Variants in ARID1B observed in about 807,000 individuals in gnomAD.
ARID1B encodes AT-rich interactive domain-containing protein 1B.
Under a neutral mutation model 212.3 loss-of-function variants are expected in ARID1B, and 30 were observed. That is an observed-to-expected ratio of 0.14 (90% CI 0.11 to 0.19). ARID1B has a LOEUF of 0.19. Ranked by LOEUF, ARID1B falls within the 10% of genes least tolerant of loss-of-function variation. ARID1B has a pLI of 1.00. For missense variants in ARID1B, 2,891 were observed against 3,204.0 expected (o/e 0.90, Z 2.36); for synonymous variants, 1,402 against 1,301.7 (o/e 1.08, Z -1.66).
At position 157,203,617 on chromosome 6, in the gene ARID1B, A is replaced by T. The variant is rs1266256744; in HGVS notation, c.5264-249A>T. On this transcript the variant is annotated intron_variant, in intron 18 of 19. Coordinates refer to ENST00000636930, the MANE Select transcript of ARID1B (RefSeq NM_001374828.1). This position sits in a 1 kb window ranked among gnomAD's most constrained non-coding sequence, Gnocchi z 4.4. ...AGGACCATCTGTGCTCAACCACTCC[A>T]CCTCCAGAAGCACTTTCGGCCCCTG... is the stretch of plus-strand genomic sequence containing the variant. 3 of 477,018 alleles carry T rather than the reference A, an allele frequency of 6.3e-6. No homozygotes were observed. Among genetic ancestry groups the T allele is most frequent in the Non-Finnish European group, 1.2e-5 (3 of 260,482 alleles). The allele number at this position is 477,018 out of a possible 1,614,324, so 29.5% of individuals were successfully genotyped here.
intron 4 of ARID1B, among the ~76,000 whole-genome samples, chr6:157,063,037 C>T (rs1378831063): frequency 2.6e-5 from 4 of 152,002 alleles, no homozygotes; most frequent in African/African-American, 7.2e-5. Flanking sequence ...AGTTACATTT[C>T]AGAATGAGAA....
intron 2 of ARID1B, among the ~76,000 whole-genome samples, chr6:156,841,900 C>T (rs182371222): frequency 1.5e-4 from 23 of 152,224 alleles, no homozygotes; most frequent in Admixed American, 5.9e-4. Flanking sequence ...GAACTCTGGG[C>T]GCACGCTAGC....
intron 7 of ARID1B, among the ~76,000 whole-genome samples, chr6:157,144,103 T>C (rs947002375): frequency 1.3e-5 from 2 of 152,234 alleles, no homozygotes; most frequent in Admixed American, 6.5e-5. Context: ...CTCTTTAGTA[T>C]ATAACATGAG....
chr6:156,896,988 A>G (rs1159796559), intron 2 of ARID1B, among the ~76,000 whole-genome samples: 1 of 152,212 alleles, frequency 6.6e-6, no homozygotes, highest in Non-Finnish European at 1.5e-5. Flanking sequence ...GGTGAAATGA[A>G]AAATGAGTCC....
At chr6:157,152,420 G>C (rs1790263068) in intron 8 of ARID1B, 1 of 152,172 alleles carries the variant, frequency 6.6e-6, no homozygotes, top group South Asian at 2.1e-4. Flanking sequence ...AAAGAAAAAT[G>C]TTGGCGTTAT....
At chr6:156,913,228 T>A (rs1718309918) in intron 3 of ARID1B, among the ~76,000 whole-genome samples, 1 of 150,236 alleles carries the variant, frequency 6.7e-6, no homozygotes, top group Non-Finnish European at 1.5e-5. Context: ...TTTTTTTTTT[T>A]TTTTTTGAGA....
chr6:157,100,726 A>G (rs1409518487), intron 5 of ARID1B, among the ~76,000 whole-genome samples: 1 of 152,192 alleles, frequency 6.6e-6, no homozygotes. Flanking sequence ...CCATCTTACC[A>G]TACTCTAGCT....
intron 1 of ARID1B, among the ~76,000 whole-genome samples, chr6:156,813,017 T>C (rs1303700531): frequency 7.0e-6 from 1 of 143,758 alleles, no homozygotes; most frequent in Non-Finnish European, 1.5e-5. Context: ...TATATACACA[T>C]ACGTATGTAT....
intron 4 of ARID1B, among the ~76,000 whole-genome samples, chr6:157,012,286 T>C (rs1003360980): frequency 6.6e-6 from 1 of 152,198 alleles, no homozygotes. Context: ...TTGTGTTTAA[T>C]TTGTGGAATT....
intron 1 of ARID1B, among the ~76,000 whole-genome samples, chr6:156,805,150 C>T (rs1269584138): frequency 2.0e-5 from 3 of 152,182 alleles, no homozygotes; most frequent in Admixed American, 1.3e-4. Context: ...TCTCAGCTTA[C>T]TCAGTAGGCC....
Position 157,203,827 on chromosome 6 carries a change from G to A in ARID1B, c.5264-39G>A. 6.2e-7 allele frequency: 1 copy of A among 1,612,124 alleles called. No homozygotes were observed. Among genetic ancestry groups the A allele is most frequent in the Non-Finnish European group, 8.5e-7 (1 of 1,178,372 alleles). The stretch of plus-strand genomic sequence containing the variant: ...TAACTTTCGTTCTTTCATGCATAGA[G>A]TCAACATTCATGATATCCTTGTTCT... On this transcript the variant is annotated intron_variant, in intron 18 of 19. Transcript: ENST00000636930. This position sits in a 1 kb window ranked among gnomAD's most constrained non-coding sequence, Gnocchi z 4.4.
In ARID1B at chr6:157,139,612, C is replaced by T. The variant is rs543512605; in HGVS notation, c.2761+6405C>T. Among the ~76,000 whole-genome samples the T allele has an allele frequency of 1.1e-3, 164 of 152,022 alleles. 1 individual carries two copies. The highest frequency in any genetic ancestry group is 2.0e-3 in the Admixed American group (31 of 15,278). ...TGTGCTTCTGATGGTTAGACGCATTCGGTTCTTACCATAGAGACTTGACTG... is the reference window on the plus strand; with the variant it reads ...TGTGCTTCTGATGGTTAGACGCATTTGGTTCTTACCATAGAGACTTGACTG... On this transcript the variant is annotated intron_variant, in intron 7 of 19. Transcript: ENST00000636930.
In ARID1B at chr6:157,033,687, A is replaced by AG. The variant is rs1227738299; in HGVS notation, c.2248-50974dup. Among the ~76,000 whole-genome samples the AG allele has an allele frequency of 3.3e-5, 5 of 152,258 alleles. No individual in the cohort carries two copies. The East Asian group carries it at 9.6e-4, about 29-fold the overall frequency. ...ATTGAAGGTTTTTGTGCTTTAGGAG[A>AG]GTGAGGACTGTAAATGGCTTAGCTG... On this transcript the variant is annotated intron_variant, in intron 4 of 19. Transcript: ENST00000636930.
At chr6:157,186,512 T>G (rs1338831779) in intron 13 of ARID1B, 3 of 471,152 alleles carry the variant, frequency 6.4e-6, no homozygotes, top group Non-Finnish European at 1.3e-5. Context: ...AGCCTCTCGA[T>G]TCACTGCCAC....
chr6:157,092,125 A>C (rs1302382128), intron 5 of ARID1B, among the ~76,000 whole-genome samples: 3 of 152,248 alleles, frequency 2.0e-5, no homozygotes, highest in Non-Finnish European at 4.4e-5. Flanking sequence ...CAGTTCTACA[A>C]ACCAAAGAGA....
chr6:156,870,374 A>G (rs1240831716), intron 2 of ARID1B: 6 of 152,262 alleles, frequency 3.9e-5, no homozygotes, highest in Non-Finnish European at 8.8e-5. Context: ...AGGGAGCTCC[A>G]GGAGACGTTC....
chr6:157,034,297 G>A (rs1004008233), intron 4 of ARID1B, among the ~76,000 whole-genome samples: 15 of 152,150 alleles, frequency 9.9e-5, no homozygotes, highest in Non-Finnish European at 1.9e-4. Context: ...TATTATGAAT[G>A]AGTGATGGTC....
intron 4 of ARID1B, among the ~76,000 whole-genome samples, chr6:157,060,392 CTGTT>C (rs1384459027): frequency 7.9e-5 from 12 of 152,236 alleles, no homozygotes; most frequent in African/African-American, 1.7e-4. Flanking sequence ...AAAGTAGTCT[CTGTT>C]TGTATGCAAA....
intron 5 of ARID1B, among the ~76,000 whole-genome samples, chr6:157,102,604 C>CTTTT (rs35977420): frequency 9.1e-5 from 6 of 66,252 alleles, no homozygotes; most frequent in Non-Finnish European, 1.4e-4. Flanking sequence ...CTGAGTGGTT[C>CTTTT]TTTTTTTTTT....
Sources: allele counts gnomAD v4.1 joint callset (sites outside exome capture counted in the v4.1 genomes callset), GRCh38; gene constraint gnomAD v4.1.1; non-coding constraint Gnocchi (gnomAD v3.1); transcripts MANE v1.5; gene names NCBI Gene and HGNC (gene_info 2026-07-23, HGNC 2026-07-21).